Variants in APP observed in about 807,000 individuals in gnomAD.
The protein encoded by APP is amyloid beta precursor protein.
In APP, 31 loss-of-function variants were observed where a neutral mutation model predicts 101.4. That is an observed-to-expected ratio of 0.31 (90% CI 0.23 to 0.41). The LOEUF (loss-of-function observed/expected upper bound fraction) is 0.41, where lower values mean the gene tolerates loss of function less well. APP is among the 10% of genes least tolerant of loss of function. The pLI, the probability that APP is intolerant of heterozygous loss-of-function variation, is 1.00. For missense variants in APP, 839 were observed against 1,003.7 expected, an observed-to-expected ratio of 0.84 and a Z score of 2.22; for synonymous variants, 366 against 364.4, an observed-to-expected ratio of 1.00 and a Z score of -0.05.
At chr21:25,996,463 GTC>G (rs2043060380) in intron 8 of APP, among the ~76,000 whole-genome samples, 1 of 152,092 alleles carries the variant, frequency 6.6e-6, no homozygotes, top group Non-Finnish European at 1.5e-5. Flanking sequence ...ATGTATTATA[GTC>G]TCTTGTTAAA....
At chr21:25,988,899 G>A (rs1234216546) in intron 8 of APP, among the ~76,000 whole-genome samples, 1 of 152,022 alleles carries the variant, frequency 6.6e-6, no homozygotes, top group Admixed American at 6.6e-5. Context: ...ATGTGCGTGA[G>A]GGCTCATTTC....
At chr21:25,988,751 C>G (rs925922079) in intron 8 of APP, among the ~76,000 whole-genome samples, 4 of 146,598 alleles carry the variant, frequency 2.7e-5, no homozygotes, top group Admixed American at 6.8e-5. Context: ...TGGCTTGGAC[C>G]AGGGTGGCTG....
In APP at chr21:26,022,003, CACTTCTTCCTCCTCTGCT is replaced by C; in HGVS notation, c.684_701del (p.Glu231_Glu236del). On this transcript the variant is annotated inframe_deletion, in exon 6 of 18. Coordinates refer to ENST00000346798, the MANE Select transcript of APP (RefSeq NM_000484.4). ...CGGCTTCTTCTTCTTCCACCTCAGC[CACTTCTTCCTCCTCTGCT>C]ACTTCTACTACTTTGTCTTCACTGT... 1 of 1,614,104 alleles carries C rather than the reference CACTTCTTCCTCCTCTGCT, an allele frequency of 6.2e-7. No homozygotes were observed. The highest frequency in any genetic ancestry group is 8.5e-7 in the Non-Finnish European group (1 of 1,179,994).
At chr21:25,903,165 G>A (rs747131211) in intron 15 of APP, among the ~76,000 whole-genome samples, 1 of 151,916 alleles carries the variant, frequency 6.6e-6, no homozygotes, top group Non-Finnish European at 1.5e-5. Flanking sequence ...TCAGTAGTTC[G>A]AGACCAGCCT....
intron 3 of APP, among the ~76,000 whole-genome samples, chr21:26,085,684 T>C (rs903027304): frequency 2.6e-5 from 4 of 152,220 alleles, no homozygotes; most frequent in African/African-American, 9.6e-5. Flanking sequence ...AGAATTACCC[T>C]GGTATAAAAT....
chr21:25,953,599 A>G (rs745696914), intron 13 of APP, among the ~76,000 whole-genome samples: 1 of 152,190 alleles, frequency 6.6e-6, no homozygotes, highest in Non-Finnish European at 1.5e-5. Context: ...CATATTGCTT[A>G]TATGTTGGTA....
chr21:25,894,030 A>C (rs1459431367), intron 16 of APP, among the ~76,000 whole-genome samples: 1 of 152,220 alleles, frequency 6.6e-6, no homozygotes, highest in Non-Finnish European at 1.5e-5. Context: ...AATTATTCTA[A>C]ATCTACTGTG....
chr21:25,965,084 T>C lies in APP; in HGVS notation c.1459-9329A>G, dbSNP rs73338722. ...CTTTCAGACAAACTCTAGCACAGAA[T>C]GGATAAAGAGCTAAGATCTTCTGAC... On this transcript the variant is annotated intron_variant, in intron 11 of 17. Coordinates refer to ENST00000346798, the MANE Select transcript of APP (RefSeq NM_000484.4). 4.2e-3 allele frequency among the ~76,000 whole-genome samples: 636 copies of C among 152,310 alleles called. 8 individuals carry two copies. Among genetic ancestry groups the C allele is most frequent in the African/African-American group, 0.014 (591 of 41,570 alleles).
chr21:25,882,670 A>G (rs116218120), intron 17 of APP, among the ~76,000 whole-genome samples: 80 of 152,122 alleles, frequency 5.3e-4, no homozygotes, highest in Middle Eastern at 3.4e-3. Flanking sequence ...CGTTCGCAGA[A>G]GAGAGGAGGT....
At chr21:26,105,886 ATTC>A (rs754389740) in intron 2 of APP, among the ~76,000 whole-genome samples, 5 of 152,188 alleles carry the variant, frequency 3.3e-5, no homozygotes, top group Non-Finnish European at 7.3e-5. Flanking sequence ...CACTGGGGTC[ATTC>A]TTCTATTTTG....
intron 8 of APP, among the ~76,000 whole-genome samples, chr21:25,993,867 A>G (rs1445151372): frequency 2.7e-5 from 4 of 150,780 alleles, no homozygotes; most frequent in Non-Finnish European, 1.5e-5. Context: ...GGGTACTGCT[A>G]AACACCCATA....
At chr21:25,996,805 T>C (rs138408592) in intron 8 of APP, among the ~76,000 whole-genome samples, 38 of 152,316 alleles carry the variant, frequency 2.5e-4, no homozygotes, top group African/African-American at 8.9e-4. Context: ...TTGGAACAAG[T>C]CCTGTATAGC....
chr21:26,039,786 A>G (rs1390106681), intron 5 of APP, among the ~76,000 whole-genome samples: 1 of 151,998 alleles, frequency 6.6e-6, no homozygotes, highest in Non-Finnish European at 1.5e-5. Flanking sequence ...ATCTGAAGGA[A>G]GCACTTAATT....
At chr21:25,977,513 ATAAC>A (rs1169479418) in intron 9 of APP, among the ~76,000 whole-genome samples, 2 of 152,330 alleles carry the variant, frequency 1.3e-5, no homozygotes, top group East Asian at 3.9e-4. Context: ...CTTGGAATAA[ATAAC>A]TATAGATAGA....
At chr21:26,113,416 C>A (rs1347619995) in intron 1 of APP, among the ~76,000 whole-genome samples, 1 of 152,118 alleles carries the variant, frequency 6.6e-6, no homozygotes, top group Non-Finnish European at 1.5e-5. Flanking sequence ...CCATTTTAGT[C>A]ATTTTTACAC....
At chr21:26,043,276 C>T (rs922608834) in intron 5 of APP, among the ~76,000 whole-genome samples, 1 of 151,720 alleles carries the variant, frequency 6.6e-6, no homozygotes, top group Admixed American at 6.6e-5. Context: ...TGCTCTGTTG[C>T]CCAGGCTGAA....
chr21:25,998,217 C>CTCCCAT (rs2146669701), intron 7 of APP, among the ~76,000 whole-genome samples: 1 of 152,306 alleles, frequency 6.6e-6, no homozygotes, highest in South Asian at 2.1e-4. Context: ...CAGGAAACCT[C>CTCCCAT]TCCCACCGGC....
chr21:25,967,090 T>C (rs1274674565), intron 11 of APP, among the ~76,000 whole-genome samples: 2 of 152,228 alleles, frequency 1.3e-5, no homozygotes, highest in Admixed American at 6.5e-5. Context: ...TCATGTTCTA[T>C]CAAAGAATTA....
chr21:25,997,369 G>C lies in APP; in HGVS notation c.1081C>G (p.Pro361Ala). 1.2e-6 allele frequency: 2 copies of C among 1,613,868 alleles called. No homozygotes were observed. Among genetic ancestry groups the C allele is most frequent in the Middle Eastern group, 1.6e-4 (1 of 6,062 alleles). Residue 361 changes from proline (P) to alanine (A), a missense_variant, in exon 8 of 18, where the codon CCT becomes GCT. Coordinates refer to ENST00000346798, the MANE Select transcript of APP (RefSeq NM_000484.4). Reference protein sequence around the residue: ...KTTQEPLARDPVKLPTTAAST... With the variant: ...KTTQEPLARDAVKLPTTAAST... ...GTGAATGACAACGTACGTTTAACAG[G>C]ATCTCGGGCAAGAGGTTCCTGGGTA... is the stretch of plus-strand genomic sequence containing the variant.
Sources: gnomAD v4.1 joint callset for allele counts (sites outside exome capture counted in the v4.1 genomes callset) on GRCh38, gnomAD v4.1.1 for gene constraint, MANE v1.5 for transcripts, NCBI Gene and HGNC (gene_info 2026-07-23, HGNC 2026-07-21) for gene names.